Variants in ARL13B observed in about 807,000 individuals in gnomAD.
The protein encoded by ARL13B is ADP-ribosylation factor-like protein 13B.
Under a neutral mutation model 56.1 loss-of-function variants are expected in ARL13B, and 36 were observed. The ratio of observed to expected loss-of-function variants is 0.64; its 90% CI spans 0.49 to 0.85. The LOEUF is 0.85. Ranked by LOEUF, ARL13B falls within the 40% of genes least tolerant of loss-of-function variation. The probability of loss-of-function intolerance (pLI) is 0.00; values close to 1 mark genes in which losing one functional copy is unlikely to be tolerated. For synonymous variants in ARL13B, 178 were observed against 171.1 expected (o/e 1.04, Z -0.32); for missense variants, 519 against 507.1 (o/e 1.02, Z -0.23).
intron 3 of ARL13B, among the ~76,000 whole-genome samples, chr3:94,031,344 G>A (rs1409038193): frequency 6.6e-6 from 1 of 151,986 alleles, no homozygotes; most frequent in Non-Finnish European, 1.5e-5. Flanking sequence ...CCTAGAAGCA[G>A]TAGTAAGTCA....
intron 1 of ARL13B, among the ~76,000 whole-genome samples, chr3:93,985,507 A>G (rs1001848248): frequency 8.5e-5 from 13 of 152,162 alleles, no homozygotes; most frequent in Non-Finnish European, 1.5e-4. Context: ...TTGCATACAA[A>G]TTTTGGCAAC....
intron 1 of ARL13B, among the ~76,000 whole-genome samples, chr3:93,994,304 T>C (rs2075927591): frequency 1.3e-5 from 2 of 152,120 alleles, no homozygotes; most frequent in African/African-American, 2.4e-5. Flanking sequence ...AATATATGCA[T>C]GACTCACTCT....
chr3:94,049,740 T>C (rs1396909899), intron 8 of ARL13B, among the ~76,000 whole-genome samples: 1 of 152,090 alleles, frequency 6.6e-6, no homozygotes, highest in African/African-American at 2.4e-5. Context: ...AAAAAATAAG[T>C]AAAAACTATT....
intron 3 of ARL13B, among the ~76,000 whole-genome samples, chr3:94,021,344 A>T (rs1575995598): frequency 6.6e-6 from 1 of 151,992 alleles, no homozygotes; most frequent in East Asian, 1.9e-4. Context: ...ACAGGTGCCC[A>T]TCACCATGCC....
At chr3:94,025,313 G>T (rs1284450612) in intron 3 of ARL13B, among the ~76,000 whole-genome samples, 1 of 151,386 alleles carries the variant, frequency 6.6e-6, no homozygotes, top group Admixed American at 6.6e-5. Flanking sequence ...GCAAAACATG[G>T]AAATAGAATC....
chr3:93,998,349 C>T (rs1345105621), intron 2 of ARL13B, among the ~76,000 whole-genome samples: 1 of 151,910 alleles, frequency 6.6e-6, no homozygotes, highest in East Asian at 1.9e-4. Flanking sequence ...TTATGTATTC[C>T]ACCTCCATAT....
chr3:94,048,771 TC>T (rs894922007), intron 7 of ARL13B, among the ~76,000 whole-genome samples: 2 of 151,738 alleles, frequency 1.3e-5, no homozygotes. Context: ...GTTTTTTTTT[TC>T]CCCCATAGAG....
chr3:93,980,776 C>T (rs1470856667), intron 1 of ARL13B, among the ~76,000 whole-genome samples: 2 of 150,684 alleles, frequency 1.3e-5, no homozygotes. Context: ...TGAAAACTAT[C>T]CATTGTGTGT....
In ARL13B at chr3:94,055,299, A is replaced by T. The variant is rs766607945; in HGVS notation, c.*2036A>T. On this transcript the variant is annotated 3_prime_UTR_variant, in exon 10 of 10. Coordinates refer to ENST00000394222, the MANE Select transcript of ARL13B (RefSeq NM_001174150.2). ...TATCAATATTCTGTTTCTCTTTTCA[A>T]TTGGTAGATTTAAATGATTTCCTTT... The T allele has an allele frequency of 1.2e-5, 5 of 416,772 alleles. No individual in the cohort carries two copies. The highest frequency in any genetic ancestry group is 7.1e-5 in the South Asian group (4 of 55,986). The allele number at this position is 416,772 out of a possible 1,614,324, so 25.8% of individuals were successfully genotyped here. A position where few individuals can be genotyped will look rare whatever the true frequency, so the allele number is the denominator to read the frequency against.
chr3:94,015,061 T>G (rs762804414), intron 3 of ARL13B: 2 of 1,613,904 alleles, frequency 1.2e-6, no homozygotes, highest in Non-Finnish European at 1.7e-6. Flanking sequence ...CTGCCCAAAT[T>G]TTTGAACATT....
intron 3 of ARL13B, among the ~76,000 whole-genome samples, chr3:94,030,356 A>C (rs1485357072): frequency 6.7e-6 from 1 of 149,332 alleles, no homozygotes; most frequent in Admixed American, 6.7e-5. Flanking sequence ...CCTCCCGAGT[A>C]GCTGGTATTA....
chr3:93,997,010 T>G (rs1312227317), intron 2 of ARL13B, among the ~76,000 whole-genome samples: 1 of 152,060 alleles, frequency 6.6e-6, no homozygotes, highest in East Asian at 1.9e-4. Context: ...ATGCAAGAGA[T>G]CTAGGTTATG....
intron 3 of ARL13B, among the ~76,000 whole-genome samples, chr3:94,033,830 A>T (rs1478245907): frequency 6.6e-6 from 1 of 152,234 alleles, no homozygotes; most frequent in Non-Finnish European, 1.5e-5. Context: ...AAACTCATCC[A>T]GCTTCTTACC....
chr3:93,996,841 CAGCCCACAA>C (rs1281583905), intron 2 of ARL13B, among the ~76,000 whole-genome samples: 2 of 151,972 alleles, frequency 1.3e-5, no homozygotes, highest in African/African-American at 4.8e-5. Context: ...TCTTAGGAAC[CAGCCCACAA>C]AGCAGGAGGT....
At chr3:94,043,447 T>C (rs1026994874) in intron 7 of ARL13B, among the ~76,000 whole-genome samples, 37 of 151,044 alleles carry the variant, frequency 2.4e-4, no homozygotes, top group African/African-American at 8.8e-4. Context: ...TGTGGTCCTT[T>C]GTAACTTATA....
intron 1 of ARL13B, among the ~76,000 whole-genome samples, chr3:93,994,981 T>C (rs1416529823): frequency 1.3e-5 from 2 of 152,206 alleles, no homozygotes; most frequent in African/African-American, 4.8e-5. Context: ...GGTCTAAATA[T>C]GGCAGCTGTG....
At chr3:93,987,215 A>G (rs1219788740) in intron 1 of ARL13B, among the ~76,000 whole-genome samples, 1 of 151,930 alleles carries the variant, frequency 6.6e-6, no homozygotes, top group Non-Finnish European at 1.5e-5. Context: ...TTGGTCTCAA[A>G]CTCCTGGGCT....
rs1460465808 is a variant in ARL13B, at chr3:93,991,114, G to T, written c.60-4760G>T. 2.0e-5 allele frequency among the ~76,000 whole-genome samples: 3 copies of T among 152,158 alleles called. No individual in the cohort carries two copies. In the East Asian group the frequency reaches 5.8e-4, roughly 29 times the overall value. On this transcript the variant is annotated intron_variant, in intron 1 of 9. Coordinates refer to ENST00000394222, the MANE Select transcript of ARL13B (RefSeq NM_001174150.2). ...TCTGAGGCATTTTTGTGTCCACAAT[G>T]CTTAACGTACTTTAATTGTATTACC...
intron 5 of ARL13B, among the ~76,000 whole-genome samples, chr3:94,039,335 C>T (rs2076822382): frequency 6.6e-6 from 1 of 151,908 alleles, no homozygotes; most frequent in South Asian, 2.1e-4. Flanking sequence ...CCCGTCTCTA[C>T]TAAAAATACA....
Sources: allele counts gnomAD v4.1 joint callset (sites outside exome capture counted in the v4.1 genomes callset), GRCh38; gene constraint gnomAD v4.1.1; transcripts MANE v1.5; gene names NCBI Gene and HGNC (gene_info 2026-07-23, HGNC 2026-07-21).